NRDC: variants seen among roughly 807,000 people sequenced by gnomAD.
NRDC encodes the protein nardilysin convertase.
A neutral mutation model predicts 147.1 loss-of-function variants in NRDC; 54 were observed. The observed-to-expected ratio is 0.37, with a 90% CI of 0.29 to 0.46. The LOEUF (loss-of-function observed/expected upper bound fraction) is 0.46. NRDC is among the 20% of genes least tolerant of loss of function. The probability of loss-of-function intolerance (pLI) is 1.00; values close to 1 mark genes in which losing one functional copy is unlikely to be tolerated. For missense variants in NRDC, 1,082 were observed against 1,370.6 expected (o/e 0.79, Z 3.33); for synonymous variants, 440 against 482.1 (o/e 0.91, Z 1.14).
chr1:51,875,514 T>G (rs1394024075), intron 1 of NRDC, among the ~76,000 whole-genome samples: 7 of 152,252 alleles, frequency 4.6e-5, no homozygotes. Flanking sequence ...TCAATATATC[T>G]AGGACATACC....
At chr1:51,789,893 A>G (rs909497533) in intron 29 of NRDC, 2 of 534,424 alleles carry the variant, frequency 3.7e-6, no homozygotes, top group Non-Finnish European at 3.4e-6. Flanking sequence ...TGCTATAATT[A>G]CAGCTAAATA....
chr1:51,843,097 G>T (rs1681354702), intron 1 of NRDC, among the ~76,000 whole-genome samples: 10 of 132,596 alleles, frequency 7.5e-5, no homozygotes, highest in East Asian at 5.0e-4. Context: ...CTAACTACTT[G>T]TTGGGGTGGG....
chr1:51,834,098 C>T lies in NRDC; in HGVS notation c.785G>A (p.Ser262Asn). 6.2e-7 allele frequency: 1 copy of T among 1,614,146 alleles called. No individual in the cohort carries two copies. Among genetic ancestry groups the T allele is most frequent in the Non-Finnish European group, 8.5e-7 (1 of 1,180,018 alleles). The stretch of plus-strand genomic sequence containing the variant: ...TTCACAATCAGTTGAGGCATTATCA[C>T]TACCCCCATGCTTCTTCAGGAAGGC... ...FDAFLKKHGG[S>N]DNASTDCERT... Residue 262 changes from serine to asparagine, a missense_variant, in exon 4 of 31, where the codon AGT becomes AAT. Physicochemically the swap from Ser to Asn is conservative, Grantham distance 46. Coordinates refer to ENST00000352171, the MANE Select transcript of NRDC (RefSeq NM_001101662.2).
At chr1:51,845,129 TC>T (rs923615069) in intron 1 of NRDC, among the ~76,000 whole-genome samples, 4 of 152,156 alleles carry the variant, frequency 2.6e-5, no homozygotes, top group African/African-American at 9.7e-5. Context: ...CCACTACTCT[TC>T]CTTCATTCTG....
intron 11 of NRDC, among the ~76,000 whole-genome samples, chr1:51,815,174 CT>C (rs58581893): frequency 1.4e-5 from 2 of 141,664 alleles, no homozygotes; most frequent in African/African-American, 5.3e-5. Flanking sequence ...TTTTGCTTAC[CT>C]TTTTTTCTTT....
chr1:51,852,912 C>T (rs1354813760), intron 1 of NRDC, among the ~76,000 whole-genome samples: 1 of 151,908 alleles, frequency 6.6e-6, no homozygotes, highest in African/African-American at 2.4e-5. Flanking sequence ...TCTGAGGGCC[C>T]CTTTCAGAAT....
At chr1:51,843,428 C>T (rs1395377441) in intron 1 of NRDC, among the ~76,000 whole-genome samples, 1 of 152,000 alleles carries the variant, frequency 6.6e-6, no homozygotes, top group Non-Finnish European at 1.5e-5. Flanking sequence ...TCCACATTAA[C>T]AAGTTTACTA....
chr1:51,815,173 CCTTTTT>C (rs983801705), intron 11 of NRDC, among the ~76,000 whole-genome samples: 1 of 83,482 alleles, frequency 1.2e-5, no homozygotes, highest in Non-Finnish European at 2.6e-5. Context: ...ATTTTGCTTA[CCTTTTT>C]TTCTTTTTTT....
At chr1:51,870,560 G>A (rs1488960446) in intron 1 of NRDC, among the ~76,000 whole-genome samples, 11 of 152,106 alleles carry the variant, frequency 7.2e-5, no homozygotes, top group Admixed American at 7.2e-4. Flanking sequence ...GAGTTCCCCA[G>A]AGGACCACCT....
At position 51,833,791 on chromosome 1, in the gene NRDC, T is replaced by A. The variant is rs778259686; in HGVS notation, c.866+226A>T. 9.6e-4 allele frequency among the ~76,000 whole-genome samples: 146 copies of A among 152,090 alleles called. 1 individual carries two copies. The highest frequency in any genetic ancestry group is 1.4e-3 in the Non-Finnish European group (95 of 68,014). On this transcript the variant is annotated intron_variant, in intron 4 of 30. Transcript: ENST00000352171. ...GCTTGGCTAATTTTTTATTTACTTA[T>A]TTTTGTAGAGACAGGTTCTTACTAT...
chr1:51,852,306 G>C (rs1681991991), intron 1 of NRDC, among the ~76,000 whole-genome samples: 1 of 151,836 alleles, frequency 6.6e-6, no homozygotes, highest in Non-Finnish European at 1.5e-5. Flanking sequence ...GAGTTCAAAA[G>C]CCAGAAATAT....
At chr1:51,791,915 G>T in intron 26 of NRDC, 131 bp downstream of exon 26, 2 of 944,302 alleles carry the variant, frequency 2.1e-6, no homozygotes, top group Non-Finnish European at 1.6e-6. Context: ...CAAAAGTTTG[G>T]ATGACTAAAT....
chr1:51,809,352 A>G lies in NRDC; in HGVS notation c.1953T>C (p.Asn651=). Residue 651 remains asparagine (N), a synonymous_variant, in exon 17 of 31, where the codon AAT becomes AAC. Coordinates refer to ENST00000352171, the MANE Select transcript of NRDC (RefSeq NM_001101662.2). ...AELWNSNFEL[N]PDLHLPAENK... is the part of the protein sequence containing the mutation. Reference sequence around the variant, plus strand: ...TTTCAGCTGGAAGATGAAGATCTGGATTTAATTCGAAATTACTATTCCACA... The same window carrying G: ...TTTCAGCTGGAAGATGAAGATCTGGGTTTAATTCGAAATTACTATTCCACA... 6.2e-7 allele frequency: 1 copy of G among 1,613,912 alleles called. No individual in the cohort carries two copies. The highest frequency in any genetic ancestry group is 8.5e-7 in the Non-Finnish European group (1 of 1,179,824).
intron 2 of NRDC, chr1:51,837,431 C>A: frequency 7.1e-7 from 1 of 1,411,578 alleles, no homozygotes; most frequent in African/African-American, 1.4e-5. Flanking sequence ...TGGGGAATAT[C>A]CAGTTCTTCA....
intron 2 of NRDC, among the ~76,000 whole-genome samples, chr1:51,839,412 A>C (rs1220902256): frequency 2.0e-5 from 3 of 152,024 alleles, no homozygotes; most frequent in Non-Finnish European, 4.4e-5. Flanking sequence ...TGATCTGCCC[A>C]TCTCGGCCTC....
rs896867245 is a variant in NRDC at position 51,808,332 on chromosome 1, A to G, written c.1990+983T>C. On this transcript the variant is annotated intron_variant, in intron 17 of 30. Coordinates refer to ENST00000352171, the MANE Select transcript of NRDC (RefSeq NM_001101662.2). Reference sequence around the variant, plus strand: ...TCACCTCAGCCCCTAGCAATCATCAATCTATGTTCTGTCTCTGGATTTATC... The same window carrying G: ...TCACCTCAGCCCCTAGCAATCATCAGTCTATGTTCTGTCTCTGGATTTATC... Among the ~76,000 whole-genome samples, 18 of 152,250 alleles carry G rather than the reference A, an allele frequency of 1.2e-4. 1 individual carries two copies. The highest frequency in any genetic ancestry group is 4.1e-4 in the South Asian group (2 of 4,828).
chr1:51,861,773 GGATT>G (rs1486124248), intron 1 of NRDC, among the ~76,000 whole-genome samples: 2 of 152,142 alleles, frequency 1.3e-5, no homozygotes, highest in African/African-American at 4.8e-5. Flanking sequence ...TATCTTCTCA[GGATT>G]GATTATGGGT....
intron 27 of NRDC, 107 bp from the exon 28 acceptor site, chr1:51,791,097 T>A: frequency 1.3e-6 from 1 of 746,384 alleles, no homozygotes; most frequent in Admixed American, 2.6e-5. Context: ...GACTAAGACA[T>A]ATATCCAGGA....
intron 4 of NRDC, among the ~76,000 whole-genome samples, chr1:51,828,305 CT>C (rs1680534958): frequency 6.6e-6 from 1 of 152,150 alleles, no homozygotes; most frequent in Non-Finnish European, 1.5e-5. Context: ...ATTTTCAACC[CT>C]TAGGAGCCTT....
Sources: allele counts gnomAD v4.1 joint callset (sites outside exome capture counted in the v4.1 genomes callset), GRCh38; gene constraint gnomAD v4.1.1; transcripts MANE v1.5; gene names NCBI Gene and HGNC (gene_info 2026-07-23, HGNC 2026-07-21).